UNC80: variants seen among roughly 807,000 people sequenced by gnomAD.
UNC80 encodes the protein unc-80 subunit of NALCN channel complex.
UNC80 carries 164 observed loss-of-function variants against 384.6 expected under a neutral mutation model. The observed-to-expected ratio is 0.43, with a 90% CI of 0.38 to 0.49. The LOEUF (loss-of-function observed/expected upper bound fraction) is 0.49, where lower values mean the gene tolerates loss of function less well. Among genes scored for constraint, UNC80 ranks in the 20% least tolerant of loss-of-function variants. The probability of loss-of-function intolerance (pLI) is 0.00; values close to 1 mark genes in which losing one functional copy is unlikely to be tolerated. For missense variants in UNC80, 3,330 were observed against 4,143.0 expected (o/e 0.80, Z 5.39); for synonymous variants, 1,486 against 1,527.8 (o/e 0.97, Z 0.64).
chr2:209,866,521 CACACACACACACAGAG>C (rs1559226899), intron 22 of UNC80, among the ~76,000 whole-genome samples: 75 of 142,560 alleles, frequency 5.3e-4, no homozygotes, highest in African/African-American at 2.0e-3. Context: ...CACACACACA[CACACACACACACAGAG>C]AGAGAGAGAG....
rs2080055145 is a variant in UNC80, at chr2:209,820,463, G to A, written c.2115G>A (p.Glu705=). Reference sequence around the variant, plus strand: ...AGAAGAGTGAAAACAAGGAAAATGAGACCTTGGAAAAGAGGCCAAGTGAGG... The same window carrying A: ...AGAAGAGTGAAAACAAGGAAAATGAAACCTTGGAAAAGAGGCCAAGTGAGG... ...NRKKSENKEN[E]TLEKRPSEGA... Residue 705 remains glutamate (E), a synonymous_variant, in exon 13 of 65, where the codon GAG becomes GAA. Coordinates refer to ENST00000673920, the MANE Select transcript of UNC80 (RefSeq NM_001371986.1). The A allele has an allele frequency of 5.2e-6, 8 of 1,551,704 alleles. No individual in the cohort carries two copies. Among genetic ancestry groups the A allele is most frequent in the Non-Finnish European group, 7.0e-6 (8 of 1,147,002 alleles).
chr2:209,985,159 A>G (rs2093259762), intron 61 of UNC80, among the ~76,000 whole-genome samples: 1 of 152,198 alleles, frequency 6.6e-6, no homozygotes, highest in African/African-American at 2.4e-5. Flanking sequence ...TAAAAAAATT[A>G]TAGAATTCTT....
At chr2:209,972,706 C>G (rs2092914611) in intron 55 of UNC80, among the ~76,000 whole-genome samples, 1 of 152,292 alleles carries the variant, frequency 6.6e-6, no homozygotes, top group East Asian at 1.9e-4. Context: ...TCATTAAATT[C>G]CAATGTATTT....
Position 209,938,495 on chromosome 2 carries a change from C to T in UNC80, c.6465+865C>T, listed in dbSNP as rs546024913. ...TAAAAATATAGCTACAATTAACTAC[C>T]GACATTCTATTTAAAAGAAAGAAAA... On this transcript the variant is annotated intron_variant, in intron 42 of 64. Transcript: ENST00000673920. Among the ~76,000 whole-genome samples the T allele has an allele frequency of 6.6e-4, 101 of 152,080 alleles. 1 individual carries two copies. The highest frequency in any genetic ancestry group is 6.8e-3 in the Middle Eastern group (2 of 294).
intron 7 of UNC80, among the ~76,000 whole-genome samples, chr2:209,805,572 G>T (rs1325347370): frequency 6.6e-6 from 1 of 152,156 alleles, no homozygotes; most frequent in African/African-American, 2.4e-5. Flanking sequence ...CACTCAGATG[G>T]CCATTGGCCA....
Position 209,913,822 on chromosome 2 carries a change from T to C in UNC80, c.4911T>C (p.Ala1637=), listed in dbSNP as rs2089228198. The C allele has an allele frequency of 6.5e-7, 1 of 1,549,198 alleles. No individual in the cohort carries two copies. The highest frequency in any genetic ancestry group is 8.7e-7 in the Non-Finnish European group (1 of 1,145,102). Residue 1637 remains alanine, a synonymous_variant, in exon 31 of 65, where the codon GCT becomes GCC. Coordinates refer to ENST00000673920, the MANE Select transcript of UNC80 (RefSeq NM_001371986.1). ...CCCAGGTGATGAGCTTGTCGCCTGC[T>C]CCCTTATCTCTGTTAATCAAGGCAG... is the stretch of plus-strand genomic sequence containing the variant. ...IRLQVMSLSP[A]PLSLLIKAAP...
chr2:209,793,658 A>C, intron 6 of UNC80, 62 bp from the exon 7 acceptor site: 1 of 1,585,582 alleles, frequency 6.3e-7, no homozygotes, highest in Non-Finnish European at 8.6e-7. Flanking sequence ...TAGATGATAT[A>C]GCTACAGGGG....
intron 7 of UNC80, chr2:209,809,200 C>T: frequency 1.5e-6 from 1 of 665,158 alleles, no homozygotes; most frequent in Non-Finnish European, 2.8e-6. Flanking sequence ...GTGCAAGCAG[C>T]TGGCCCAGGT....
chr2:209,995,632 CA>C lies in UNC80; in HGVS notation c.*38del. 1 of 1,542,206 alleles carries C rather than the reference CA, an allele frequency of 6.5e-7. No individual in the cohort carries two copies. Among genetic ancestry groups the C allele is most frequent in the East Asian group, 2.5e-5 (1 of 40,802 alleles). On this transcript the variant is annotated 3_prime_UTR_variant, in exon 65 of 65. Transcript: ENST00000673920. Reference sequence around the variant, plus strand: ...GTAAGCTCTGCAGGTATAGAGAAGACATGAAAGTGATCTCTCTACTACAAGT... The same window carrying C: ...GTAAGCTCTGCAGGTATAGAGAAGACTGAAAGTGATCTCTCTACTACAAGT...
chr2:209,938,126 A>C (rs2091371628), intron 42 of UNC80, among the ~76,000 whole-genome samples: 1 of 152,134 alleles, frequency 6.6e-6, no homozygotes, highest in African/African-American at 2.4e-5. Flanking sequence ...CATGTTATTA[A>C]TTTCTCTTGA....
At chr2:209,849,950 A>T (rs1465488107) in intron 22 of UNC80, among the ~76,000 whole-genome samples, 1 of 151,968 alleles carries the variant, frequency 6.6e-6, no homozygotes, top group African/African-American at 2.4e-5. Context: ...TAGTGCGAAA[A>T]CTAAATGAGA....
At chr2:209,797,358 T>C (rs531113089) in intron 7 of UNC80, among the ~76,000 whole-genome samples, 2 of 152,256 alleles carry the variant, frequency 1.3e-5, no homozygotes, top group Non-Finnish European at 2.9e-5. Flanking sequence ...TGGTGTGTGT[T>C]GTTCCTCCTC....
intron 7 of UNC80, chr2:209,808,797 T>TGCGCTACCCAGCGACCTCGTTGCCTCG: frequency 3.5e-6 from 1 of 283,596 alleles, no homozygotes; most frequent in Non-Finnish European, 6.8e-6. Context: ...TCGTTGCCTC[T>TGCGCTACCCAGCGACCTCGTTGCCTCG]GCCACCATGC....
intron 7 of UNC80, among the ~76,000 whole-genome samples, chr2:209,805,991 T>C (rs1480042887): frequency 1.3e-5 from 2 of 152,236 alleles, no homozygotes; most frequent in African/African-American, 4.8e-5. Context: ...ACATATTTTT[T>C]CACATCAATT....
chr2:209,853,710 A>C (rs1387008403), intron 22 of UNC80, among the ~76,000 whole-genome samples: 1 of 152,136 alleles, frequency 6.6e-6, no homozygotes, highest in African/African-American at 2.4e-5. Context: ...TTTTCAAGTG[A>C]AATAGTCTTT....
chr2:209,855,821 T>C (rs2082871132), intron 22 of UNC80, among the ~76,000 whole-genome samples: 1 of 152,182 alleles, frequency 6.6e-6, no homozygotes, highest in Non-Finnish European at 1.5e-5. Context: ...TTAGTGTTAA[T>C]ATGTTAATGT....
At chr2:209,985,687 C>T (rs2093272637) in intron 61 of UNC80, among the ~76,000 whole-genome samples, 1 of 152,228 alleles carries the variant, frequency 6.6e-6, no homozygotes. Context: ...TGATTCACAC[C>T]TCTCAACTAA....
intron 47 of UNC80, among the ~76,000 whole-genome samples, chr2:209,948,345 G>A (rs895969803): frequency 2.6e-5 from 4 of 151,786 alleles, no homozygotes; most frequent in Admixed American, 6.6e-5. Flanking sequence ...TGTTATCTTC[G>A]GTCTTTTTAT....
In UNC80 at chr2:209,813,779, A is replaced by C; in HGVS notation, c.1138A>C (p.Arg380=). 6.4e-7 allele frequency: 1 copy of C among 1,552,160 alleles called. No homozygotes were observed. The highest frequency in any genetic ancestry group is 8.7e-7 in the Non-Finnish European group (1 of 1,147,096). ...PPEPDIPLLP[R]PRSSSMVAAA... The stretch of plus-strand genomic sequence containing the variant: ...GGAGCCAGATATTCCTCTCCTGCCC[A>C]GACCCAGGAGTAGCTCCATGGTGGC... Residue 380 remains arginine (R), a synonymous_variant, in exon 8 of 65, where the codon AGA becomes CGA. Coordinates refer to ENST00000673920, the MANE Select transcript of UNC80 (RefSeq NM_001371986.1).
Sources: gnomAD v4.1 joint callset for allele counts (sites outside exome capture counted in the v4.1 genomes callset) on GRCh38, gnomAD v4.1.1 for gene constraint, MANE v1.5 for transcripts, NCBI Gene and HGNC (gene_info 2026-07-23, HGNC 2026-07-21) for gene names.